LIPJ: variants seen among roughly 807,000 people sequenced by gnomAD.
The protein encoded by LIPJ is lipase family member J.
A neutral mutation model predicts 39.8 loss-of-function variants in LIPJ; 33 were observed. The ratio of observed to expected loss-of-function variants is 0.83; its 90% CI spans 0.63 to 1.11. LIPJ has a LOEUF of 1.11. LIPJ is among the 50% of genes least tolerant of loss of function. The pLI, the probability that LIPJ is intolerant of heterozygous loss-of-function variation, is 0.00. For missense variants in LIPJ, 422 were observed against 427.9 expected (o/e 0.99, Z 0.12); for synonymous variants, 128 against 139.2 (o/e 0.92, Z 0.57).
chr10:88,613,758 ATATG>A, the LIPJ span, among the ~76,000 whole-genome samples: 1 of 81,336 alleles, frequency 1.2e-5, no homozygotes. Context: ...ATATATATAT[ATATG>A]TGTGTGTGTA....
chr10:88,615,255 A>G, the LIPJ span, among the ~76,000 whole-genome samples: 1 of 152,218 alleles, frequency 6.6e-6, no homozygotes, highest in Non-Finnish European at 1.5e-5. Flanking sequence ...AAGCAAATTT[A>G]GAAATGAGCA....
At chr10:88,596,520 G>T (rs2134558182) in intron 7 of LIPJ, 104 bp downstream of exon 7, 1 of 1,268,060 alleles carries the variant, frequency 7.9e-7, no homozygotes, top group East Asian at 2.6e-5. Flanking sequence ...AGTATGGATT[G>T]AAATTTTTGG....
At chr10:88,602,752 A>T (rs1269660587) in intron 9 of LIPJ, 105 bp downstream of exon 9, 1 of 565,236 alleles carries the variant, frequency 1.8e-6, no homozygotes. Flanking sequence ...TAAATTTATA[A>T]GGATAAAATG....
exon 4 of LIPJ, chr10:88,591,447 C>T (rs756964001): frequency 1.4e-5 from 23 of 1,599,622 alleles, no homozygotes; most frequent in African/African-American, 1.2e-4. Flanking sequence ...TGGTTATATC[C>T]TTGGCCTTTA....
At chr10:88,594,524 C>T (rs1388741716) in intron 5 of LIPJ, 143 bp from the exon 6 acceptor site, 7 of 473,132 alleles carry the variant, frequency 1.5e-5, no homozygotes, top group Non-Finnish European at 2.6e-5. Context: ...AGTCTCTATT[C>T]AGAAGATATA....
At chr10:88,611,346 C>CA (rs1851749223), downstream of LIPJ, among the ~76,000 whole-genome samples, 1 of 152,012 alleles carries the variant, frequency 6.6e-6, no homozygotes. Context: ...GGTAATATGA[C>CA]AAAAAAAGTT....
At chr10:88,592,323 C>G (rs951002195) in intron 4 of LIPJ, 1 of 151,564 alleles carries the variant, frequency 6.6e-6, no homozygotes. Context: ...GTAATTATCC[C>G]CCAAGCTATG....
chr10:88,607,358 G>A (rs1438377732), downstream of LIPJ, among the ~76,000 whole-genome samples: 1 of 152,100 alleles, frequency 6.6e-6, no homozygotes, highest in African/African-American at 2.4e-5. Context: ...GAAAAAGAAG[G>A]AGAGCCTGGA....
At chr10:88,593,420 T>C (rs534422860) in intron 4 of LIPJ, 1 of 152,056 alleles carries the variant, frequency 6.6e-6, no homozygotes, top group East Asian at 1.9e-4. Flanking sequence ...AGATGTACAA[T>C]AAATCCTGAA....
At chr10:88,603,286 G>T (rs1034188290) in intron 9 of LIPJ, among the ~76,000 whole-genome samples, 1 of 152,036 alleles carries the variant, frequency 6.6e-6, no homozygotes, top group Admixed American at 6.6e-5. Flanking sequence ...AATCTGACCG[G>T]AACACAGTTA....
the LIPJ span, among the ~76,000 whole-genome samples, chr10:88,617,470 T>C: frequency 2.0e-5 from 3 of 152,212 alleles, no homozygotes; most frequent in Non-Finnish European, 1.5e-5. Context: ...TTGACTGCAT[T>C]ATTTGTTCAT....
At chr10:88,594,579 C>A in intron 5 of LIPJ, 88 bp from the exon 6 acceptor site, 1 of 583,498 alleles carries the variant, frequency 1.7e-6, no homozygotes, top group Non-Finnish European at 2.9e-6. Flanking sequence ...TAGAAAATTG[C>A]CTTTATTCAG....
the LIPJ span, among the ~76,000 whole-genome samples, chr10:88,613,800 A>ATATATATG: frequency 7.0e-4 from 52 of 74,160 alleles, no homozygotes; most frequent in African/African-American, 1.1e-3. Flanking sequence ...ATATATATAT[A>ATATATATG]TGTGTGTGTG....
At chr10:88,619,659 C>T in the LIPJ span, among the ~76,000 whole-genome samples, 1 of 151,766 alleles carries the variant, frequency 6.6e-6, no homozygotes, top group East Asian at 1.9e-4. Context: ...AACCTTTCCT[C>T]TTGAATTCTA....
chr10:88,585,915 T>G (rs1003735030), upstream of LIPJ, among the ~76,000 whole-genome samples: 1 of 152,236 alleles, frequency 6.6e-6, no homozygotes, highest in African/African-American at 2.4e-5. Context: ...TAATATATTA[T>G]CATCCTACAG....
the LIPJ span, among the ~76,000 whole-genome samples, chr10:88,620,975 T>A: frequency 6.6e-6 from 1 of 152,094 alleles, no homozygotes; most frequent in Non-Finnish European, 1.5e-5. Flanking sequence ...AAAGAGACCA[T>A]TTTTCTCATG....
chr10:88,585,204 A>G (rs537883005), upstream of LIPJ, among the ~76,000 whole-genome samples: 2 of 152,308 alleles, frequency 1.3e-5, no homozygotes, highest in South Asian at 4.1e-4. Flanking sequence ...GAGTTTGCCC[A>G]AGGTTACCTA....
chr10:88,600,931 T>C (rs1851451494), intron 8 of LIPJ, among the ~76,000 whole-genome samples: 1 of 151,888 alleles, frequency 6.6e-6, no homozygotes, highest in African/African-American at 2.4e-5. Context: ...AACTCACCCT[T>C]TTATTTTATC....
intron 8 of LIPJ, among the ~76,000 whole-genome samples, chr10:88,597,721 G>GA (rs1851308162): frequency 6.6e-6 from 1 of 151,894 alleles, no homozygotes; most frequent in South Asian, 2.1e-4. Flanking sequence ...AATGCTATAA[G>GA]AAACTCAGTT....
Sources: allele counts gnomAD v4.1 joint callset (sites outside exome capture counted in the v4.1 genomes callset), GRCh38; gene constraint gnomAD v4.1.1; transcripts MANE v1.5; gene names NCBI Gene and HGNC (gene_info 2026-07-23, HGNC 2026-07-21).